Variants in MPDU1 observed in about 807,000 individuals in gnomAD.
MPDU1 encodes the protein mannose-P-dolichol utilization defect 1 protein.
In MPDU1, 18 loss-of-function variants were observed where a neutral mutation model predicts 27.6. The observed-to-expected ratio is 0.65, with a 90% confidence interval of 0.45 to 0.97. The LOEUF (loss-of-function observed/expected upper bound fraction) is 0.97. MPDU1 is among the 50% of genes least tolerant of loss of function. The pLI is 0.00. For missense variants in MPDU1, 279 were observed against 297.4 expected, an observed-to-expected ratio of 0.94 and a Z score of 0.46; for synonymous variants, 142 against 131.1, an observed-to-expected ratio of 1.08 and a Z score of -0.57.
intron 5 of MPDU1, 45 bp downstream of exon 5, chr17:7,587,062 G>C (rs202069203): frequency 1.2e-5 from 19 of 1,525,970 alleles, no homozygotes; most frequent in African/African-American, 2.8e-5. Flanking sequence ...GGGCAGGGTG[G>C]GGGGGAAGAG....
chr17:7,583,907 G>C lies in MPDU1; in HGVS notation c.45G>C (p.Pro15=), dbSNP rs1257586701. The C allele has an allele frequency of 6.2e-7, 1 of 1,614,064 alleles. No homozygotes were observed. Among genetic ancestry groups the C allele is most frequent in the African/African-American group, 1.3e-5 (1 of 74,948 alleles). Residue 15 remains proline, a synonymous_variant, in exon 1 of 7, where the codon CCG becomes CCC. Coordinates refer to ENST00000250124, the MANE Select transcript of MPDU1 (RefSeq NM_004870.4). ...GACCGCTTAAACGGCTGCTCGTGCCGATTCTTTTACCTGAGAAATGCTACG... is the reference window on the plus strand; with the variant it reads ...GACCGCTTAAACGGCTGCTCGTGCCCATTCTTTTACCTGAGAAATGCTACG... The part of the protein sequence containing the change: ...ADGPLKRLLV[P]ILLPEKCYDQ...
At position 7,586,493 on chromosome 17, in the gene MPDU1, C is replaced by T; in HGVS notation, c.303-199C>T. 2.0e-5 allele frequency: 13 copies of T among 659,524 alleles called. No individual in the cohort carries two copies. In the South Asian group the frequency reaches 2.0e-4, roughly 10 times the overall value. 40.9% of individuals were successfully genotyped at this position (659,524 alleles called of 1,614,324 possible). On this transcript the variant is annotated intron_variant, in intron 3 of 6. Coordinates refer to ENST00000250124, the MANE Select transcript of MPDU1 (RefSeq NM_004870.4). Reference sequence around the variant, plus strand: ...GGAAAGTTTTAAGCCCTTTTAGAAACCTAATCATCACCAGTGGAGGTGATC... The same window carrying T: ...GGAAAGTTTTAAGCCCTTTTAGAAATCTAATCATCACCAGTGGAGGTGATC...
intron 5 of MPDU1, 50 bp downstream of exon 5, chr17:7,587,067 G>GGGGGGGGGGGGGGCA: frequency 2.9e-6 from 3 of 1,041,300 alleles, no homozygotes; most frequent in Non-Finnish European, 4.3e-6. Context: ...GGGTGGGGGG[G>GGGGGGGGGGGGGGCA]AAGAGTAGAA....
chr17:7,583,687 T>C (rs1196104345), upstream of MPDU1: 1 of 786,624 alleles, frequency 1.3e-6, no homozygotes, highest in East Asian at 2.5e-5. Flanking sequence ...ACGTGGTCCC[T>C]GACTGAGACT....
In MPDU1 at chr17:7,583,918, C is replaced by G. The variant is rs544609195; in HGVS notation, c.56C>G (p.Pro19Arg). 2 of 1,614,218 alleles carry G rather than the reference C, an allele frequency of 1.2e-6. No homozygotes were observed. Among genetic ancestry groups the G allele is most frequent in the South Asian group, 1.1e-5 (1 of 91,088 alleles). ...LKRLLVPILL[P>R]EKCYDQLFVQ... is the part of the protein sequence containing the mutation. Reference sequence around the variant, plus strand: ...CGGCTGCTCGTGCCGATTCTTTTACCTGAGAAATGCTACGACCAACTTTTC... The same window carrying G: ...CGGCTGCTCGTGCCGATTCTTTTACGTGAGAAATGCTACGACCAACTTTTC... The change falls in exon 1 of 7, where the codon CCT becomes CGT. Residue 19 changes from proline to arginine, a missense_variant. By Grantham distance (103) the Pro-to-Arg change is moderately radical. Transcript: ENST00000250124.
intron 4 of MPDU1, 56 bp from the exon 5 acceptor site, chr17:7,586,843 G>A (rs1440734553): frequency 6.2e-7 from 1 of 1,611,956 alleles, no homozygotes; most frequent in African/African-American, 1.3e-5. Flanking sequence ...ACTCAGGTCT[G>A]GGAAAGCCAA....
At position 7,588,128 on chromosome 17, in the gene MPDU1, TC is replaced by T. The variant is rs1172384808; in HGVS notation, c.*579del. On this transcript the variant is annotated 3_prime_UTR_variant, in exon 7 of 7. Transcript: ENST00000250124. ...GGAAGGGAGTGGAGATGGGGCTGGTTCCTGCTGCAGTGAGGGGAACAGATGG... is the reference window on the plus strand; with the variant it reads ...GGAAGGGAGTGGAGATGGGGCTGGTTCTGCTGCAGTGAGGGGAACAGATGG... 1.6e-6 allele frequency: 1 copy of T among 642,810 alleles called. No homozygotes were observed. Among genetic ancestry groups the T allele is most frequent in the African/African-American group, 1.8e-5 (1 of 55,990 alleles). The allele number at this position is 642,810 out of a possible 1,614,324, so 39.8% of individuals were successfully genotyped here. A position where few individuals can be genotyped will look rare whatever the true frequency, so the allele number is the denominator to read the frequency against.
intron 1 of MPDU1, 104 bp downstream of exon 1, chr17:7,584,069 C>T: frequency 1.7e-6 from 2 of 1,156,808 alleles, no homozygotes; most frequent in Non-Finnish European, 2.6e-6. Context: ...TGCCGCCATG[C>T]CGAGCTGGAC....
Position 7,587,212 on chromosome 17 carries a change from G to GC in MPDU1, c.561dup (p.Ile188HisfsTer114). On this transcript the variant is annotated frameshift_variant, in exon 6 of 7. Coordinates refer to ENST00000250124, the MANE Select transcript of MPDU1 (RefSeq NM_004870.4). LOFTEE classifies it high-confidence loss of function. ...CAACGGGCACACAGGCCAGCTCTCAGCCATCACAGTCTTCCTGCTGTTTGG... is the reference window on the plus strand; with the variant it reads ...CAACGGGCACACAGGCCAGCTCTCAGCCCATCACAGTCTTCCTGCTGTTTGG... 6.2e-7 allele frequency: 1 copy of GC among 1,614,098 alleles called. No homozygotes were observed. Among genetic ancestry groups the GC allele is most frequent in the South Asian group, 1.1e-5 (1 of 91,080 alleles).
At position 7,587,451 on chromosome 17, in the gene MPDU1, G is replaced by C; in HGVS notation, c.644G>C (p.Gly215Ala). The C allele has an allele frequency of 6.2e-7, 1 of 1,613,832 alleles. No homozygotes were observed. Among genetic ancestry groups the C allele is most frequent in the African/African-American group, 1.3e-5 (1 of 74,924 alleles). ...GAAACCGGAGATCCCCTGATGGCTG[G>C]GACCTTTGTGGTCTCCTCTCTCTGC... is the stretch of plus-strand genomic sequence containing the variant. ...IQETGDPLMA[G>A]TFVVSSLCNG... Residue 215 changes from glycine to alanine, a missense_variant, in exon 7 of 7, where the codon GGG becomes GCG. Coordinates refer to ENST00000250124, the MANE Select transcript of MPDU1 (RefSeq NM_004870.4).
upstream of MPDU1, chr17:7,583,842 G>A (rs2071534363): frequency 6.2e-7 from 1 of 1,613,072 alleles, no homozygotes; most frequent in Middle Eastern, 1.7e-4. Flanking sequence ...TGGAGAGACT[G>A]GCGGAAGCTA....
In MPDU1 at chr17:7,586,084, G is replaced by A. The variant is rs1484792639; in HGVS notation, c.302+6G>A. 6.2e-7 allele frequency: 1 copy of A among 1,613,072 alleles called. No individual in the cohort carries two copies. The highest frequency in any genetic ancestry group is 8.5e-7 in the Non-Finnish European group (1 of 1,179,948). On this transcript the variant is annotated splice_donor_region_variant and intron_variant, in intron 3 of 6. Coordinates refer to ENST00000250124, the MANE Select transcript of MPDU1 (RefSeq NM_004870.4). ...ACTAACAACTTCCCATTCAGGTGAG[G>A]GGCCCACCCTTCCACCCCAAGGGTA...
At chr17:7,583,850 C>T (rs748824891), upstream of MPDU1, 5 of 1,613,724 alleles carry the variant, frequency 3.1e-6, no homozygotes, top group East Asian at 4.5e-5. Context: ...CTGGCGGAAG[C>T]TAGCTTTGCA....
At chr17:7,587,299 GCACTA>G (rs768308263) in intron 6 of MPDU1, 28 bp downstream of exon 6, 5 of 1,612,978 alleles carry the variant, frequency 3.1e-6, no homozygotes, top group Non-Finnish European at 4.2e-6. Flanking sequence ...CTTCTAGAAG[GCACTA>G]AAACCTCGTC....
rs1177839815 is a variant in MPDU1 at position 7,587,649 on chromosome 17, T to C, written c.*98T>C. 6.6e-7 allele frequency: 1 copy of C among 1,514,576 alleles called. No individual in the cohort carries two copies. Among genetic ancestry groups the C allele is most frequent in the Non-Finnish European group, 9.1e-7 (1 of 1,094,656 alleles). 93.8% of individuals were successfully genotyped at this position (1,514,576 alleles called of 1,614,324 possible). On this transcript the variant is annotated 3_prime_UTR_variant, in exon 7 of 7. Transcript: ENST00000250124. ...GCTGGTGTGACTTACTCATCCTCCATTCCTCTGCACTTGCAGACTTTCTGA... is the reference window on the plus strand; with the variant it reads ...GCTGGTGTGACTTACTCATCCTCCACTCCTCTGCACTTGCAGACTTTCTGA...
Position 7,587,755 on chromosome 17 carries a change from C to A in MPDU1, c.*204C>A. ...AGGAGAGGATGGGGGTAGAGTCTCC[C>A]AAGCCAAAATTTTGACATTTGAGTG... On this transcript the variant is annotated 3_prime_UTR_variant, in exon 7 of 7. Transcript: ENST00000250124. The A allele has an allele frequency of 1.3e-6, 1 of 772,476 alleles. No homozygotes were observed. Among genetic ancestry groups the A allele is most frequent in the Non-Finnish European group, 2.2e-6 (1 of 459,062 alleles). The allele number at this position is 772,476 out of a possible 1,614,324, so 47.9% of individuals were successfully genotyped here.
In MPDU1 at chr17:7,586,975, C is replaced by T. The variant is rs762241950; in HGVS notation, c.465C>T (p.Thr155=). The change falls in exon 5 of 7, where the codon ACC becomes ACT. Residue 155 remains threonine, a synonymous_variant. Coordinates refer to ENST00000250124, the MANE Select transcript of MPDU1 (RefSeq NM_004870.4). ...CTCTGACGCCCTTGACTGTAGTCAC[C>T]CTGCTCCAGGCCTCCAATGTGCCTG... ...LSPLTPLTVV[T]LLQASNVPAV... is the part of the protein sequence containing the mutation. The T allele has an allele frequency of 8.1e-6, 13 of 1,613,336 alleles. No individual in the cohort carries two copies. The highest frequency in any genetic ancestry group is 1.7e-5 in the Admixed American group (1 of 59,938).
chr17:7,587,592 A>G lies in MPDU1; in HGVS notation c.*41A>G. ...TCATTCCGTTTCCACTCATTCACCC[A>G]ACCTCAGGGTTCTCCCCATCTGAGC... On this transcript the variant is annotated 3_prime_UTR_variant, in exon 7 of 7. Coordinates refer to ENST00000250124, the MANE Select transcript of MPDU1 (RefSeq NM_004870.4). The G allele has an allele frequency of 6.2e-7, 1 of 1,612,616 alleles. No homozygotes were observed. Among genetic ancestry groups the G allele is most frequent in the Non-Finnish European group, 8.5e-7 (1 of 1,179,366 alleles).
upstream of MPDU1, chr17:7,583,763 T>G: frequency 2.3e-6 from 3 of 1,288,306 alleles, no homozygotes; most frequent in Non-Finnish European, 3.4e-6. Context: ...CGGGCCAGCT[T>G]CGCCGCGGGA....
Sources: allele counts gnomAD v4.1 joint callset, GRCh38; gene constraint gnomAD v4.1.1; transcripts MANE v1.5; gene names NCBI Gene and HGNC (gene_info 2026-07-23, HGNC 2026-07-21).